Variants in NRXN3 observed in about 807,000 individuals in gnomAD.
The protein encoded by NRXN3 is neurexin III.
In NRXN3, 32 loss-of-function variants were observed where a neutral mutation model predicts 137.6. The ratio of observed to expected loss-of-function variants is 0.23; its 90% confidence interval spans 0.18 to 0.31. The LOEUF is 0.31. Among genes scored for constraint, NRXN3 ranks in the 10% least tolerant of loss-of-function variants. The pLI is 1.00. For missense variants in NRXN3, 1,574 were observed against 2,062.5 expected, an observed-to-expected ratio of 0.76 and a Z score of 4.59; for synonymous variants, 798 against 784.5, an observed-to-expected ratio of 1.02 and a Z score of -0.29.
chr14:79,638,100 C>A (rs917428736), intron 16 of NRXN3, among the ~76,000 whole-genome samples: 1 of 152,056 alleles, frequency 6.6e-6, no homozygotes, highest in African/African-American at 2.4e-5. Flanking sequence ...AGCTACATTG[C>A]CATCTCTTGT....
intron 4 of NRXN3, among the ~76,000 whole-genome samples, chr14:78,457,941 C>T (rs1035189239): frequency 5.9e-5 from 9 of 152,072 alleles, no homozygotes. Context: ...TATAGTGGAG[C>T]CTGTTAAGCA....
In NRXN3 at chr14:78,734,322, A is replaced by G. The variant is rs186154270; in HGVS notation, c.2044+19183A>G. ...GATAACATAATGAATTTTGGATGCA[A>G]GATGAAAAGAAAGTCATTTTATCCA... On this transcript the variant is annotated intron_variant, in intron 8 of 20. Coordinates refer to ENST00000335750, the MANE Select transcript of NRXN3 (RefSeq NM_001330195.2). 1.9e-3 allele frequency among the ~76,000 whole-genome samples: 289 copies of G among 152,262 alleles called. 1 individual carries two copies. Among genetic ancestry groups the G allele is most frequent in the African/African-American group, 6.5e-3 (271 of 41,560 alleles).
rs1359053377 is a variant in NRXN3 at position 78,939,225 on chromosome 14, A to C, written c.2276-18017A>C. Among the ~76,000 whole-genome samples, 4 of 152,212 alleles carry C rather than the reference A, an allele frequency of 2.6e-5. No individual in the cohort carries two copies. The East Asian group carries it at 7.7e-4, about 29-fold the overall frequency. On this transcript the variant is annotated intron_variant, in intron 10 of 20. Coordinates refer to ENST00000335750, the MANE Select transcript of NRXN3 (RefSeq NM_001330195.2). ...AAAATCACCTTGACACTCCAGGTAC[A>C]TTCAAGTGGGCTGCCCCAGAGGTCA... is the stretch of plus-strand genomic sequence containing the variant.
At chr14:78,435,097 T>C (rs1388358666) in intron 4 of NRXN3, among the ~76,000 whole-genome samples, 2 of 152,230 alleles carry the variant, frequency 1.3e-5, no homozygotes, top group African/African-American at 2.4e-5. Flanking sequence ...AAGAGACTTG[T>C]GTGCAATCTG....
intron 4 of NRXN3, among the ~76,000 whole-genome samples, chr14:78,298,151 A>C (rs2076531789): frequency 6.6e-6 from 1 of 152,240 alleles, no homozygotes; most frequent in Admixed American, 6.5e-5. Flanking sequence ...GAAACCAGGC[A>C]TGACGGTGTC....
chr14:79,723,203 A>AT (rs1318626184), intron 19 of NRXN3, among the ~76,000 whole-genome samples: 2 of 152,112 alleles, frequency 1.3e-5, no homozygotes, highest in South Asian at 2.1e-4. Context: ...ATAGAACTTC[A>AT]TTTTTTACAA....
chr14:78,288,354 T>A (rs935325627), intron 3 of NRXN3, among the ~76,000 whole-genome samples: 1 of 152,234 alleles, frequency 6.6e-6, no homozygotes, highest in Non-Finnish European at 1.5e-5. Context: ...AAAAAGATTA[T>A]AGTATTAATT....
intron 15 of NRXN3, among the ~76,000 whole-genome samples, chr14:79,356,568 G>A (rs932627767): frequency 3.3e-5 from 5 of 151,984 alleles, no homozygotes; most frequent in African/African-American, 9.7e-5. Context: ...CTATTAATAG[G>A]AACAAATTTA....
At chr14:78,984,306 A>G (rs1183465198) in intron 14 of NRXN3, among the ~76,000 whole-genome samples, 2 of 152,256 alleles carry the variant, frequency 1.3e-5, no homozygotes, top group Non-Finnish European at 2.9e-5. Flanking sequence ...GTAAGCATAT[A>G]TTAAAACATA....
At chr14:79,004,545 A>G (rs1233687850) in intron 15 of NRXN3, among the ~76,000 whole-genome samples, 1 of 152,202 alleles carries the variant, frequency 6.6e-6, no homozygotes, top group African/African-American at 2.4e-5. Flanking sequence ...CACCCAGCCA[A>G]TAGTGTTTGT....
chr14:78,977,170 C>T (rs899097789), intron 14 of NRXN3, among the ~76,000 whole-genome samples: 9 of 152,108 alleles, frequency 5.9e-5, no homozygotes, highest in Admixed American at 2.6e-4. Context: ...CATGACCTTT[C>T]GCCTATTATG....
chr14:79,365,745 G>GAAAAAAA (rs943211669), intron 15 of NRXN3, among the ~76,000 whole-genome samples: 3 of 114,148 alleles, frequency 2.6e-5, no homozygotes, highest in Admixed American at 1.1e-4. Context: ...AAAAAAAAAA[G>GAAAAAAA]AAAAAAAAGA....
intron 15 of NRXN3, among the ~76,000 whole-genome samples, chr14:79,204,194 G>T (rs985362558): frequency 1.3e-5 from 2 of 151,908 alleles, no homozygotes; most frequent in African/African-American, 4.8e-5. Flanking sequence ...CCCGTCAGGT[G>T]CTGATAGTGC....
chr14:78,532,415 G>A (rs1349108745), intron 4 of NRXN3, among the ~76,000 whole-genome samples: 1 of 148,144 alleles, frequency 6.8e-6, no homozygotes, highest in Non-Finnish European at 1.5e-5. Context: ...GTGTGTGTGT[G>A]TGTTTTAGTT....
intron 15 of NRXN3, among the ~76,000 whole-genome samples, chr14:79,124,792 GTATAAGTT>G (rs2056105424): frequency 6.6e-6 from 1 of 152,122 alleles, no homozygotes; most frequent in African/African-American, 2.4e-5. Flanking sequence ...ATTAATCAAT[GTATAAGTT>G]TATAAGTTTA....
At chr14:78,713,553 T>G (rs2098418829) in intron 7 of NRXN3, among the ~76,000 whole-genome samples, 1 of 152,242 alleles carries the variant, frequency 6.6e-6, no homozygotes, top group South Asian at 2.1e-4. Flanking sequence ...TTTATTTCAT[T>G]TATTGGGTTA....
At chr14:78,738,365 C>T (rs1481263456) in intron 8 of NRXN3, among the ~76,000 whole-genome samples, 3 of 152,280 alleles carry the variant, frequency 2.0e-5, no homozygotes, top group South Asian at 2.1e-4. Flanking sequence ...CTCACCCGTT[C>T]GAGGAATGAG....
chr14:78,252,730 C>T (rs943435745), intron 2 of NRXN3, among the ~76,000 whole-genome samples: 1 of 152,200 alleles, frequency 6.6e-6, no homozygotes. Flanking sequence ...TGCAATCTCT[C>T]CTCCAGGTAT....
At chr14:78,311,464 C>A (rs889932964) in intron 4 of NRXN3, among the ~76,000 whole-genome samples, 1 of 152,216 alleles carries the variant, frequency 6.6e-6, no homozygotes, top group Non-Finnish European at 1.5e-5. Flanking sequence ...AGGCTGCACA[C>A]AGCCCAGGAT....
Sources: allele counts gnomAD v4.1 joint callset (sites outside exome capture counted in the v4.1 genomes callset), GRCh38; gene constraint gnomAD v4.1.1; transcripts MANE v1.5; gene names NCBI Gene and HGNC (gene_info 2026-07-23, HGNC 2026-07-21).